Variants in CNTNAP5 observed in about 807,000 individuals in gnomAD.
CNTNAP5 encodes the protein contactin-associated protein-like 5.
CNTNAP5 carries 72 observed loss-of-function variants against 150.2 expected under a neutral mutation model. That is an observed-to-expected ratio of 0.48 (90% CI 0.40 to 0.58). The LOEUF is 0.58. Among genes scored for constraint, CNTNAP5 ranks in the 20% least tolerant of loss-of-function variants. The pLI is 0.00. For synonymous variants in CNTNAP5, 672 were observed against 619.8 expected (o/e 1.08, Z -1.25); for missense variants, 1,636 against 1,626.2 (o/e 1.01, Z -0.10).
At chr2:124,645,748 A>G (rs1678189650) in intron 12 of CNTNAP5, among the ~76,000 whole-genome samples, 1 of 152,182 alleles carries the variant, frequency 6.6e-6, no homozygotes. Flanking sequence ...GGTAATTTAG[A>G]AAGAAAAGGA....
intron 13 of CNTNAP5, among the ~76,000 whole-genome samples, chr2:124,663,971 A>C (rs1220778978): frequency 6.6e-6 from 1 of 152,166 alleles, no homozygotes; most frequent in Non-Finnish European, 1.5e-5. Context: ...TCCTTTTTCA[A>C]GTGGAACTTT....
rs531765596 is a variant in CNTNAP5, at chr2:124,903,152, G to A, written c.3655+52G>A. The stretch of plus-strand genomic sequence containing the variant: ...GCTTCTGTCACTAGCACTACTTTTT[G>A]TGTCTTCAAGAAGCTTCCAGATTAA... On this transcript the variant is annotated intron_variant, in intron 22 of 23. Coordinates refer to ENST00000682447, the MANE Select transcript of CNTNAP5 (RefSeq NM_001367498.1). 19 of 1,191,686 alleles carry A rather than the reference G, an allele frequency of 1.6e-5. No homozygotes were observed. The African/African-American group carries it at 1.7e-4, about 10-fold the overall frequency. 73.8% of individuals were successfully genotyped at this position (1,191,686 alleles called of 1,614,324 possible).
intron 13 of CNTNAP5, among the ~76,000 whole-genome samples, chr2:124,724,566 A>T (rs956578270): frequency 1.3e-5 from 2 of 152,110 alleles, no homozygotes; most frequent in African/African-American, 4.8e-5. Flanking sequence ...ATGTGTGTGG[A>T]GATCTAAAAG....
At chr2:124,080,885 T>C (rs1397663420) in intron 1 of CNTNAP5, among the ~76,000 whole-genome samples, 1 of 152,268 alleles carries the variant, frequency 6.6e-6, no homozygotes, top group African/African-American at 2.4e-5. Flanking sequence ...AAGAGAATGC[T>C]TTTTCCAGGG....
chr2:124,128,749 A>G (rs1356829646), intron 1 of CNTNAP5, among the ~76,000 whole-genome samples: 1 of 151,616 alleles, frequency 6.6e-6, no homozygotes, highest in Non-Finnish European at 1.5e-5. Context: ...GGGTGAGTTC[A>G]TGTCCTTTGT....
chr2:124,622,680 A>C (rs1361184154), intron 12 of CNTNAP5, among the ~76,000 whole-genome samples: 1 of 152,012 alleles, frequency 6.6e-6, no homozygotes, highest in East Asian at 1.9e-4. Flanking sequence ...GTGACACGAT[A>C]TCTCATTGGA....
chr2:124,115,130 A>T (rs1683393272), intron 1 of CNTNAP5, among the ~76,000 whole-genome samples: 2 of 152,078 alleles, frequency 1.3e-5, no homozygotes, highest in South Asian at 4.1e-4. Flanking sequence ...ACATATTACT[A>T]GAATCATTTG....
At chr2:124,669,047 C>A (rs761573207) in intron 13 of CNTNAP5, among the ~76,000 whole-genome samples, 3 of 152,142 alleles carry the variant, frequency 2.0e-5, no homozygotes, top group Non-Finnish European at 4.4e-5. Context: ...TGAAGCCCAC[C>A]CTGATTTATT....
intron 1 of CNTNAP5, among the ~76,000 whole-genome samples, chr2:124,125,086 C>A (rs896073213): frequency 1.3e-5 from 2 of 152,098 alleles, no homozygotes; most frequent in Non-Finnish European, 2.9e-5. Context: ...TGTAAATGGG[C>A]TAAATGCACC....
chr2:124,190,898 T>A (rs1381493317), intron 1 of CNTNAP5, among the ~76,000 whole-genome samples: 1 of 152,238 alleles, frequency 6.6e-6, no homozygotes, highest in Non-Finnish European at 1.5e-5. Context: ...GACTATGTGT[T>A]ATTTACCCCG....
chr2:124,597,798 G>A lies in CNTNAP5; in HGVS notation c.1757-12003G>A, dbSNP rs533108362. On this transcript the variant is annotated intron_variant, in intron 11 of 23. Transcript: ENST00000682447. ...AGGCACACCAATCAGACGTAGATTT[G>A]GTCTTTTCACATAGTCCCATATTTC... Among the ~76,000 whole-genome samples, 408 of 151,212 alleles carry A rather than the reference G, an allele frequency of 2.7e-3. 2 individuals are homozygous for A. The highest frequency in any genetic ancestry group is 9.3e-3 in the African/African-American group (385 of 41,200).
intron 3 of CNTNAP5, among the ~76,000 whole-genome samples, chr2:124,327,218 G>A (rs1364842895): frequency 6.6e-6 from 1 of 151,940 alleles, no homozygotes; most frequent in Non-Finnish European, 1.5e-5. Flanking sequence ...CTGACCTTGT[G>A]ATCTGCCTGC....
At chr2:124,578,687 C>A (rs1696348765) in intron 11 of CNTNAP5, among the ~76,000 whole-genome samples, 1 of 152,088 alleles carries the variant, frequency 6.6e-6, no homozygotes, top group African/African-American at 2.4e-5. Flanking sequence ...GTGGGAGGAT[C>A]ATTTGAGCCC....
In CNTNAP5 at chr2:124,653,922, C is replaced by CCCG. The variant is rs1366904163; in HGVS notation, c.2077+5965_2077+5966insCGC. On this transcript the variant is annotated intron_variant, in intron 13 of 23. Transcript: ENST00000682447. ...CCCCACTGCCCCCAACCCCCCCCCC[C>CCCG]CGCCACACACACACAATCAGTGCAT... Among the ~76,000 whole-genome samples the CCCG allele has an allele frequency of 1.2e-3, 169 of 141,080 alleles. 2 individuals are homozygous for CCCG. The highest frequency in any genetic ancestry group is 3.8e-3 in the Middle Eastern group (1 of 266). The allele number at this position is 141,080 out of a possible 152,430, so 92.6% of individuals were successfully genotyped here. A position where few individuals can be genotyped will look rare whatever the true frequency, so the allele number is the denominator to read the frequency against.
At chr2:124,840,347 G>C (rs1682919780) in intron 19 of CNTNAP5, among the ~76,000 whole-genome samples, 1 of 152,088 alleles carries the variant, frequency 6.6e-6, no homozygotes, top group African/African-American at 2.4e-5. Flanking sequence ...CAGAATACAA[G>C]GGAGATCCTC....
chr2:124,058,599 A>G (rs1681919689), intron 1 of CNTNAP5, among the ~76,000 whole-genome samples: 2 of 152,294 alleles, frequency 1.3e-5, no homozygotes, highest in South Asian at 4.2e-4. Flanking sequence ...ACCATTGTAT[A>G]TATCTCACTG....
chr2:124,560,443 C>A (rs559017809), intron 10 of CNTNAP5, among the ~76,000 whole-genome samples: 2 of 149,066 alleles, frequency 1.3e-5, no homozygotes, highest in East Asian at 4.1e-4. Context: ...CGCTGGAACC[C>A]AGGAGGTGGA....
At chr2:124,408,091 G>C (rs1251679413) in intron 3 of CNTNAP5, among the ~76,000 whole-genome samples, 1 of 152,232 alleles carries the variant, frequency 6.6e-6, no homozygotes, top group African/African-American at 2.4e-5. Context: ...GGGTCAGGGA[G>C]TTCCCTTTCC....
intron 8 of CNTNAP5, among the ~76,000 whole-genome samples, chr2:124,515,912 G>A (rs1282977803): frequency 6.6e-6 from 1 of 152,158 alleles, no homozygotes; most frequent in African/African-American, 2.4e-5. Context: ...TGGGCTCCAT[G>A]ACCCAGTGGA....
Sources: gnomAD v4.1 joint callset for allele counts (sites outside exome capture counted in the v4.1 genomes callset) on GRCh38, gnomAD v4.1.1 for gene constraint, MANE v1.5 for transcripts, NCBI Gene and HGNC (gene_info 2026-07-23, HGNC 2026-07-21) for gene names.